The following QTMAN variants were observed in gnomAD, a reference collection of about 807,000 sequenced individuals.
The protein encoded by QTMAN is queuosine-tRNA mannosyltransferase.
chr2:144,045,631 G>GACT, the QTMAN span, among the ~76,000 whole-genome samples: 1 of 152,170 alleles, frequency 6.6e-6, no homozygotes, highest in Non-Finnish European at 1.5e-5. Flanking sequence ...GGCAGGGAGG[G>GACT]ACTACCACTT....
chr2:144,330,760 T>C, the QTMAN span, among the ~76,000 whole-genome samples: 2 of 152,234 alleles, frequency 1.3e-5, no homozygotes, highest in Non-Finnish European at 2.9e-5. Context: ...AGGTCTGAAT[T>C]ACCTAGTTAA....
the QTMAN span, among the ~76,000 whole-genome samples, chr2:143,970,458 G>A: frequency 3.3e-5 from 5 of 152,018 alleles, no homozygotes; most frequent in African/African-American, 9.7e-5. Flanking sequence ...ATGACTTCAC[G>A]TTCTCAACTT....
the QTMAN span, among the ~76,000 whole-genome samples, chr2:144,205,202 A>G: frequency 6.6e-6 from 1 of 152,094 alleles, no homozygotes; most frequent in South Asian, 2.1e-4. Flanking sequence ...CCAGACTTGA[A>G]CTCAAATCAC....
the QTMAN span, among the ~76,000 whole-genome samples, chr2:144,319,204 G>A: frequency 1.3e-5 from 2 of 152,056 alleles, no homozygotes; most frequent in African/African-American, 4.8e-5. Context: ...CACTGAAAAG[G>A]ATGTTTTCCT....
At chr2:144,220,539 C>CTA in the QTMAN span, among the ~76,000 whole-genome samples, 1 of 152,198 alleles carries the variant, frequency 6.6e-6, no homozygotes, top group South Asian at 2.1e-4. Flanking sequence ...AGCAGAGACC[C>CTA]TATAGCCAGA....
the QTMAN span, among the ~76,000 whole-genome samples, chr2:144,029,489 G>A: frequency 2.6e-5 from 4 of 152,064 alleles, no homozygotes; most frequent in African/African-American, 4.8e-5. Flanking sequence ...ACCACTACCC[G>A]CCTTCCCTTG....
the QTMAN span, among the ~76,000 whole-genome samples, chr2:144,156,526 G>A: frequency 6.6e-6 from 1 of 152,098 alleles, no homozygotes; most frequent in East Asian, 1.9e-4. Context: ...CACAAACACT[G>A]ATTTGCTAAA....
chr2:144,166,103 T>C, the QTMAN span, among the ~76,000 whole-genome samples: 1 of 152,284 alleles, frequency 6.6e-6, no homozygotes, highest in Admixed American at 6.5e-5. Context: ...CAAGCTCATC[T>C]CCTGCCTCAT....
chr2:144,082,741 A>G, the QTMAN span, among the ~76,000 whole-genome samples: 1 of 152,202 alleles, frequency 6.6e-6, no homozygotes, highest in Admixed American at 6.5e-5. Context: ...GTGGCAGAGT[A>G]GGGAACTGAA....
chr2:144,312,929 T>G, the QTMAN span, among the ~76,000 whole-genome samples: 1 of 151,928 alleles, frequency 6.6e-6, no homozygotes, highest in African/African-American at 2.4e-5. Context: ...TTAAACCTCT[T>G]TTCTTTATAA....
At chr2:144,288,559 C>G in the QTMAN span, among the ~76,000 whole-genome samples, 1 of 152,192 alleles carries the variant, frequency 6.6e-6, no homozygotes, top group Non-Finnish European at 1.5e-5. Context: ...GGGAAAACTA[C>G]ACTACTCAAA....
chr2:144,176,819 T>C, the QTMAN span, among the ~76,000 whole-genome samples: 1 of 152,324 alleles, frequency 6.6e-6, no homozygotes, highest in Admixed American at 6.5e-5. Flanking sequence ...TTGGACACTG[T>C]ACTAGTCTGT....
the QTMAN span, among the ~76,000 whole-genome samples, chr2:144,201,976 CT>C: frequency 9.2e-5 from 14 of 152,260 alleles, no homozygotes; most frequent in African/African-American, 3.4e-4. Context: ...AATGACTGCA[CT>C]TTTGTGAGCA....
chr2:144,321,780 A>T, the QTMAN span, among the ~76,000 whole-genome samples: 149 of 151,788 alleles, frequency 9.8e-4, no homozygotes, highest in African/African-American at 2.4e-3. Flanking sequence ...TTTTTTTTTT[A>T]AATTTTTTGT....
the QTMAN span, among the ~76,000 whole-genome samples, chr2:144,075,605 T>A: frequency 1.4e-4 from 21 of 152,318 alleles, no homozygotes; most frequent in Non-Finnish European, 2.1e-4. Flanking sequence ...ATAAACTGTG[T>A]TTAATGGCCC....
the QTMAN span, among the ~76,000 whole-genome samples, chr2:144,040,259 AC>A: frequency 6.6e-6 from 1 of 152,122 alleles, no homozygotes; most frequent in African/African-American, 2.4e-5. Flanking sequence ...TAAGATCTCT[AC>A]CACGCTTAGC....
At chr2:144,028,331 G>A in the QTMAN span, among the ~76,000 whole-genome samples, 2 of 152,182 alleles carry the variant, frequency 1.3e-5, no homozygotes, top group African/African-American at 4.8e-5. Context: ...TATTGCCAGA[G>A]AAAGTGAACC....
At chr2:144,211,942 G>C in the QTMAN span, among the ~76,000 whole-genome samples, 1 of 152,134 alleles carries the variant, frequency 6.6e-6, no homozygotes, top group Non-Finnish European at 1.5e-5. Flanking sequence ...AGGCTAATAA[G>C]GAGTGAGTAC....
the QTMAN span, among the ~76,000 whole-genome samples, chr2:144,170,838 T>C: frequency 6.6e-6 from 1 of 152,130 alleles, no homozygotes; most frequent in African/African-American, 2.4e-5. Context: ...CTAGAAAGAC[T>C]GAACTACTTG....
Sources: allele counts gnomAD v4.1 joint callset (sites outside exome capture counted in the v4.1 genomes callset), GRCh38; gene constraint gnomAD v4.1.1; transcripts MANE v1.5; gene names NCBI Gene and HGNC (gene_info 2026-07-23, HGNC 2026-07-21).